SNX29: variants seen among roughly 807,000 people sequenced by gnomAD.
SNX29 encodes the protein sorting nexin 29.
In SNX29, 78 loss-of-function variants were observed where a neutral mutation model predicts 102.1. That is an observed-to-expected ratio of 0.76 (90% confidence interval 0.64 to 0.92). The LOEUF (loss-of-function observed/expected upper bound fraction) is 0.92. Ranked by LOEUF, SNX29 falls within the 40% of genes least tolerant of loss-of-function variation. The probability of loss-of-function intolerance (pLI) is 0.00; values close to 1 mark genes in which losing one functional copy is unlikely to be tolerated. For missense variants in SNX29, 1,280 were observed against 1,061.7 expected (o/e 1.21, Z -2.86); for synonymous variants, 580 against 414.5 (o/e 1.40, Z -4.85).
Position 12,568,842 on chromosome 16 carries a change from C to A in SNX29, c.*213C>A. ...CCCGAGAGACCAAGGCAGCACCTCGCTGGAGAGACTGGGACACACAGTCCT... is the reference window on the plus strand; with the variant it reads ...CCCGAGAGACCAAGGCAGCACCTCGATGGAGAGACTGGGACACACAGTCCT... On this transcript the variant is annotated 3_prime_UTR_variant, in exon 21 of 21. Transcript: ENST00000566228. 1 of 699,382 alleles carries A rather than the reference C, an allele frequency of 1.4e-6. No homozygotes were observed. The highest frequency in any genetic ancestry group is 2.3e-6 in the Non-Finnish European group (1 of 436,282). The allele number at this position is 699,382 out of a possible 1,614,324, so 43.3% of individuals were successfully genotyped here.
At chr16:12,131,122 A>G (rs2054448405) in intron 13 of SNX29, among the ~76,000 whole-genome samples, 1 of 152,218 alleles carries the variant, frequency 6.6e-6, no homozygotes, top group African/African-American at 2.4e-5. Context: ...GCAGTGTGGG[A>G]GAGGGCCTGC....
At chr16:12,237,837 GATGGAGGTTGCAGTGAGCTGA>G in intron 14 of SNX29, among the ~76,000 whole-genome samples, 1 of 152,354 alleles carries the variant, frequency 6.6e-6, no homozygotes, top group East Asian at 1.9e-4. Flanking sequence ...GAACCCGGGA[GATGGAGGTTGCAGTGAGCTGA>G]GATCATGCCA....
intron 19 of SNX29, among the ~76,000 whole-genome samples, chr16:12,500,286 C>A (rs2089051020): frequency 6.6e-6 from 1 of 152,204 alleles, no homozygotes; most frequent in Non-Finnish European, 1.5e-5. Flanking sequence ...GCATGAGCCA[C>A]TTCTCCTGGC....
chr16:12,170,464 G>A (rs1430905085), intron 13 of SNX29, among the ~76,000 whole-genome samples: 1 of 151,944 alleles, frequency 6.6e-6, no homozygotes, highest in Non-Finnish European at 1.5e-5. Context: ...TCATCAGTGG[G>A]GGAGGCGTGT....
chr16:12,156,568 A>G (rs558800342), intron 13 of SNX29, among the ~76,000 whole-genome samples: 81 of 152,266 alleles, frequency 5.3e-4, no homozygotes, highest in Middle Eastern at 3.4e-3. Context: ...GAAGGTGGAT[A>G]TGGGGCAGGA....
chr16:12,539,406 C>T (rs140506619), intron 20 of SNX29, among the ~76,000 whole-genome samples: 2 of 152,088 alleles, frequency 1.3e-5, no homozygotes, highest in Non-Finnish European at 2.9e-5. Context: ...TGAGAACCGT[C>T]AAGTCGTTGG....
At chr16:12,169,051 C>A (rs541800320) in intron 13 of SNX29, among the ~76,000 whole-genome samples, 1 of 152,300 alleles carries the variant, frequency 6.6e-6, no homozygotes, top group South Asian at 2.1e-4. Context: ...GGCCTCACTG[C>A]TGAGGGGTGT....
At position 12,227,633 on chromosome 16, in the gene SNX29, C is replaced by T. The variant is rs563248596; in HGVS notation, c.1678+27950C>T. ...AGGTCTCTGAGGCCGGGCGCGGTGG[C>T]TCATGCCTGTAATCCCAGCACTTTG... On this transcript the variant is annotated intron_variant, in intron 14 of 20. Coordinates refer to ENST00000566228, the MANE Select transcript of SNX29 (RefSeq NM_032167.5). 1.7e-4 allele frequency among the ~76,000 whole-genome samples: 26 copies of T among 152,270 alleles called. 1 individual carries two copies. The South Asian group carries it at 5.4e-3, about 32-fold the overall frequency.
At chr16:12,274,937 C>CCT (rs370350644) in intron 14 of SNX29, among the ~76,000 whole-genome samples, 2,327 of 152,222 alleles carry the variant, frequency 0.015, 24 homozygotes, top group African/African-American at 0.037. Context: ...ACTGTCTCCT[C>CCT]CTCTCTCTCT....
chr16:12,359,113 G>A lies in SNX29; in HGVS notation c.1899+2834G>A, dbSNP rs140418565. Reference sequence around the variant, plus strand: ...GGCTTGTGGTTGGCATCAGAAGTGAGGGGCGGTCTTGTGGGACTGAGCCTC... The same window carrying A: ...GGCTTGTGGTTGGCATCAGAAGTGAAGGGCGGTCTTGTGGGACTGAGCCTC... On this transcript the variant is annotated intron_variant, in intron 16 of 20. Coordinates refer to ENST00000566228, the MANE Select transcript of SNX29 (RefSeq NM_032167.5). Among the ~76,000 whole-genome samples, 1,179 of 152,310 alleles carry A rather than the reference G, an allele frequency of 7.7e-3. 19 individuals carry two copies. The highest frequency in any genetic ancestry group is 0.026 in the African/African-American group (1,078 of 41,550).
At chr16:12,462,014 T>TCACACACACAC (rs1374785171) in intron 18 of SNX29, among the ~76,000 whole-genome samples, 9 of 59,434 alleles carry the variant, frequency 1.5e-4, no homozygotes, top group African/African-American at 9.1e-4. Flanking sequence ...TATATATATG[T>TCACACACACAC]ATACACACAC....
intron 10 of SNX29, among the ~76,000 whole-genome samples, chr16:12,076,865 T>C (rs1051372398): frequency 6.6e-6 from 1 of 152,238 alleles, no homozygotes; most frequent in African/African-American, 2.4e-5. Flanking sequence ...AGTCAAGGGT[T>C]CTGCTCTCTC....
intron 17 of SNX29, among the ~76,000 whole-genome samples, chr16:12,401,482 G>C (rs2083941071): frequency 3.4e-5 from 5 of 149,032 alleles, no homozygotes. Context: ...TCCTGCCTCA[G>C]CCTCCCAAGT....
intron 11 of SNX29, among the ~76,000 whole-genome samples, chr16:12,082,343 G>A (rs2051943416): frequency 6.6e-6 from 1 of 152,288 alleles, no homozygotes. Context: ...TGCGGCCGGG[G>A]CTGAGGTCCC....
At chr16:12,100,522 A>G (rs1240708642) in intron 11 of SNX29, among the ~76,000 whole-genome samples, 1 of 152,158 alleles carries the variant, frequency 6.6e-6, no homozygotes, top group African/African-American at 2.4e-5. Flanking sequence ...AGGACGGTGC[A>G]TGCTGGAGGG....
chr16:12,222,999 G>C (rs565580228), intron 14 of SNX29, among the ~76,000 whole-genome samples: 40 of 152,302 alleles, frequency 2.6e-4, no homozygotes, highest in African/African-American at 9.4e-4. Context: ...TGGCGGAGTG[G>C]GCAACTGAGT....
chr16:12,186,489 A>G (rs573807529), intron 13 of SNX29, among the ~76,000 whole-genome samples: 1 of 152,354 alleles, frequency 6.6e-6, no homozygotes, highest in South Asian at 2.1e-4. Context: ...ACTTCCTTAC[A>G]CGACCGCAGT....
chr16:12,546,489 C>T (rs1222819132), intron 20 of SNX29: 2 of 152,200 alleles, frequency 1.3e-5, no homozygotes, highest in East Asian at 1.9e-4. Context: ...AAGAACAGCA[C>T]AGGAAAGACT....
chr16:12,087,862 G>T (rs752145928), intron 11 of SNX29: 1 of 456,892 alleles, frequency 2.2e-6, no homozygotes, highest in South Asian at 1.5e-5. Context: ...GGAAGCAGCA[G>T]TGTTTTGTGT....
Sources: allele counts gnomAD v4.1 joint callset (sites outside exome capture counted in the v4.1 genomes callset), GRCh38; gene constraint gnomAD v4.1.1; transcripts MANE v1.5; gene names NCBI Gene and HGNC (gene_info 2026-07-23, HGNC 2026-07-21).